The following TAF3 variants were observed in gnomAD, a reference collection of about 807,000 sequenced individuals.
The protein encoded by TAF3 is transcription initiation factor TFIID subunit 3.
A neutral mutation model predicts 80.6 loss-of-function variants in TAF3; 7 were observed. The observed-to-expected ratio is 0.09, with a 90% CI of 0.05 to 0.16. The LOEUF is 0.16. Ranked by LOEUF, TAF3 falls within the 10% of genes least tolerant of loss-of-function variation. The probability of loss-of-function intolerance (pLI) is 1.00; values close to 1 mark genes in which losing one functional copy is unlikely to be tolerated. For synonymous variants in TAF3, 444 were observed against 446.1 expected (o/e 1.00, Z 0.06); for missense variants, 921 against 1,140.2 (o/e 0.81, Z 2.77).
At position 7,858,806 on chromosome 10, in the gene TAF3, C is replaced by CTGTGTG. The variant is rs34538206; in HGVS notation, c.409+34263_409+34268dup. Among the ~76,000 whole-genome samples the CTGTGTG allele has an allele frequency of 3.2e-3, 485 of 150,660 alleles. 1 individual carries two copies. Among genetic ancestry groups the CTGTGTG allele is most frequent in the Middle Eastern group, 0.017 (5 of 288 alleles). On this transcript the variant is annotated intron_variant, in intron 2 of 6. Transcript: ENST00000344293. ...AGATTTCACTGGTACATTATAGGCTCTGTGTGTGTGTGTGTGTGTGTGCGC... is the reference window on the plus strand; with the variant it reads ...AGATTTCACTGGTACATTATAGGCTCTGTGTGTGTGTGTGTGTGTGTGTGTGTGCGC...
chr10:7,862,592 G>GTGA (rs1226634242), intron 2 of TAF3, among the ~76,000 whole-genome samples: 1 of 152,122 alleles, frequency 6.6e-6, no homozygotes, highest in Admixed American at 6.5e-5. Context: ...GTATATACTT[G>GTGA]TGAAAGCATT....
intron 2 of TAF3, among the ~76,000 whole-genome samples, chr10:7,938,263 T>G (rs113989248): frequency 0.011 from 1,670 of 150,758 alleles, 20 homozygotes; most frequent in Middle Eastern, 0.031. Context: ...GATGGGGAGG[T>G]GTGTGGGGAT....
chr10:7,928,302 A>AC (rs1219563521), intron 2 of TAF3, among the ~76,000 whole-genome samples: 2 of 152,222 alleles, frequency 1.3e-5, no homozygotes, highest in Non-Finnish European at 2.9e-5. Flanking sequence ...CCACATAGGA[A>AC]GTACTTAAGT....
At chr10:7,907,401 AT>A (rs149002253) in intron 2 of TAF3, among the ~76,000 whole-genome samples, 1,707 of 152,206 alleles carry the variant, frequency 0.011, 32 homozygotes, top group African/African-American at 0.038. Context: ...ATTTAGATTT[AT>A]TTTTTTGTAT....
At chr10:7,821,144 A>T (rs1255821698) in intron 1 of TAF3, among the ~76,000 whole-genome samples, 1 of 152,044 alleles carries the variant, frequency 6.6e-6, no homozygotes, top group Non-Finnish European at 1.5e-5. Context: ...GTTCCTAATT[A>T]CCAAGTTTCC....
chr10:7,964,128 T>C lies in TAF3; in HGVS notation c.618T>C (p.Asp206=), dbSNP rs1831540946. 6.2e-7 allele frequency: 1 copy of C among 1,613,956 alleles called. No homozygotes were observed. Among genetic ancestry groups the C allele is most frequent in the South Asian group, 1.1e-5 (1 of 91,062 alleles). The stretch of plus-strand genomic sequence containing the variant: ...TAAGCACTAAAGGGGACACGCTAGA[T>C]GTTGTGTTATTGGAAGCTCGAGAGC... ...RLLSTKGDTL[D]VVLLEAREPL... is the part of the protein sequence containing the mutation. The change falls in exon 3 of 7, where the codon GAT becomes GAC. Residue 206 remains aspartate, a synonymous_variant. Transcript: ENST00000344293. This position sits in a 1 kb window ranked among gnomAD's most constrained non-coding sequence, Gnocchi z 4.1.
chr10:7,952,238 A>G (rs745658422), intron 2 of TAF3, among the ~76,000 whole-genome samples: 6 of 152,206 alleles, frequency 3.9e-5, no homozygotes, highest in Non-Finnish European at 8.8e-5. Flanking sequence ...ACATTGTCTG[A>G]AGAGATCTAC....
chr10:7,835,454 C>A (rs1257455758), intron 2 of TAF3, among the ~76,000 whole-genome samples: 1 of 152,148 alleles, frequency 6.6e-6, no homozygotes, highest in Non-Finnish European at 1.5e-5. Flanking sequence ...TGTTTGTTTT[C>A]CTCCACCACT....
chr10:7,856,991 A>G lies in TAF3; in HGVS notation c.409+32431A>G, dbSNP rs142169528. 2.2e-3 allele frequency among the ~76,000 whole-genome samples: 339 copies of G among 152,344 alleles called. 1 individual carries two copies. The highest frequency in any genetic ancestry group is 7.5e-3 in the African/African-American group (314 of 41,592). The stretch of plus-strand genomic sequence containing the variant: ...CCTTGTAGTAAATTCCATGTAGCCA[A>G]CTGATTCTCAGAGAATGCTTTTGTT... On this transcript the variant is annotated intron_variant, in intron 2 of 6. Coordinates refer to ENST00000344293, the MANE Select transcript of TAF3 (RefSeq NM_031923.4).
intron 2 of TAF3, among the ~76,000 whole-genome samples, chr10:7,885,956 T>C (rs1837405212): frequency 6.6e-6 from 1 of 152,100 alleles, no homozygotes; most frequent in Non-Finnish European, 1.5e-5. Flanking sequence ...TTTGAGACAG[T>C]CTCAATCTGT....
rs990665144 is a variant in TAF3, at chr10:7,979,865, G to T, written c.2315+2542G>T. On this transcript the variant is annotated intron_variant, in intron 4 of 6. Transcript: ENST00000344293. ...TCTAAATCAGGGGTCAGCAAATTATGGGCCAAATCCAGGCCACTGCCTGTT... is the reference window on the plus strand; with the variant it reads ...TCTAAATCAGGGGTCAGCAAATTATTGGCCAAATCCAGGCCACTGCCTGTT... 3.3e-5 allele frequency among the ~76,000 whole-genome samples: 5 copies of T among 152,162 alleles called. No homozygotes were observed. In the South Asian group the frequency reaches 1.0e-3, roughly 32 times the overall value.
chr10:7,913,919 G>T (rs995809076), intron 2 of TAF3, among the ~76,000 whole-genome samples: 12 of 152,192 alleles, frequency 7.9e-5, no homozygotes, highest in Non-Finnish European at 1.8e-4. Flanking sequence ...GATCCAGAAT[G>T]TGATATTCTG....
chr10:7,857,003 A>G (rs1187750147), intron 2 of TAF3, among the ~76,000 whole-genome samples: 1 of 152,244 alleles, frequency 6.6e-6, no homozygotes, highest in Non-Finnish European at 1.5e-5. Context: ...TGATTCTCAG[A>G]GAATGCTTTT....
At chr10:7,826,760 A>G (rs1363751123) in intron 2 of TAF3, among the ~76,000 whole-genome samples, 2 of 152,230 alleles carry the variant, frequency 1.3e-5, no homozygotes, top group Non-Finnish European at 2.9e-5. Context: ...TCTCCTCTTC[A>G]TAAGAAAAGG....
chr10:7,915,631 A>C (rs1437295240), intron 2 of TAF3, among the ~76,000 whole-genome samples: 1 of 140,024 alleles, frequency 7.1e-6, no homozygotes, highest in East Asian at 2.1e-4. Flanking sequence ...CGACAGAGCG[A>C]AACTCCGTCT....
chr10:7,891,109 T>C (rs1476189575), intron 2 of TAF3, among the ~76,000 whole-genome samples: 1 of 152,242 alleles, frequency 6.6e-6, no homozygotes, highest in Non-Finnish European at 1.5e-5. Context: ...AGGACATTTG[T>C]TAATCTAGTA....
chr10:7,999,866 A>G (rs1831926773), intron 4 of TAF3, among the ~76,000 whole-genome samples: 1 of 152,074 alleles, frequency 6.6e-6, no homozygotes, highest in African/African-American at 2.4e-5. Context: ...CTCAACTTAG[A>G]CGCACTCGAT....
intron 2 of TAF3, among the ~76,000 whole-genome samples, chr10:7,958,215 AATTATTC>A (rs1488690963): frequency 1.3e-5 from 2 of 152,200 alleles, no homozygotes; most frequent in Admixed American, 6.5e-5. Context: ...ATAGAATTAA[AATTATTC>A]ATGTAGTAAA....
chr10:7,820,939 ATAGGC>A (rs375807461), intron 1 of TAF3, among the ~76,000 whole-genome samples: 3 of 152,146 alleles, frequency 2.0e-5, no homozygotes, highest in African/African-American at 4.8e-5. Context: ...ACCGTTAGTG[ATAGGC>A]TAGGCTAGGC....
Sources: allele counts gnomAD v4.1 joint callset (sites outside exome capture counted in the v4.1 genomes callset), GRCh38; gene constraint gnomAD v4.1.1; non-coding constraint Gnocchi (gnomAD v3.1); transcripts MANE v1.5; gene names NCBI Gene and HGNC (gene_info 2026-07-23, HGNC 2026-07-21).